MAPKAPK2: variants seen among roughly 807,000 people sequenced by gnomAD.
The protein encoded by MAPKAPK2 is MAP kinase-activated protein kinase 2.
MAPKAPK2 carries 9 observed loss-of-function variants against 48.8 expected under a neutral mutation model. The ratio of observed to expected loss-of-function variants is 0.18; its 90% CI spans 0.11 to 0.32. The LOEUF is 0.32. MAPKAPK2 is among the 10% of genes least tolerant of loss of function. MAPKAPK2 has a pLI of 1.00. For synonymous variants in MAPKAPK2, 202 were observed against 190.6 expected (o/e 1.06, Z -0.49); for missense variants, 331 against 498.3 (o/e 0.66, Z 3.20).
intron 1 of MAPKAPK2, among the ~76,000 whole-genome samples, chr1:206,719,351 T>C (rs1474802750): frequency 2.0e-5 from 3 of 152,156 alleles, no homozygotes; most frequent in Non-Finnish European, 4.4e-5. Context: ...CAGTGACGCG[T>C]GGTTGTTTTA....
intron 3 of MAPKAPK2, 100 bp downstream of exon 3, chr1:206,729,199 C>A: frequency 7.7e-7 from 1 of 1,304,548 alleles, no homozygotes; most frequent in Non-Finnish European, 1.1e-6. Context: ...GGTGCTGAGG[C>A]TGCTGCCCCC....
At chr1:206,686,036 G>A (rs1477127156) in intron 1 of MAPKAPK2, among the ~76,000 whole-genome samples, 1 of 152,294 alleles carries the variant, frequency 6.6e-6, no homozygotes, top group East Asian at 1.9e-4. Context: ...AGCCTCGCGA[G>A]GGCAGCCGGG....
In MAPKAPK2 at chr1:206,731,299, C is replaced by CGTGTGT. The variant is rs58152125; in HGVS notation, c.892+52_892+57dup. 26 of 1,561,884 alleles carry CGTGTGT rather than the reference C, an allele frequency of 1.7e-5. No homozygotes were observed. The highest frequency in any genetic ancestry group is 1.0e-4 in the Admixed American group (6 of 57,970). On this transcript the variant is annotated intron_variant, in intron 7 of 9. Coordinates refer to ENST00000367103, the MANE Select transcript of MAPKAPK2 (RefSeq NM_032960.4). This position sits in a 1 kb window ranked among gnomAD's most constrained non-coding sequence, Gnocchi z 5.9. ...GGCTTTCAGGACAAGGGGAAGAGCC[C>CGTGTGT]GTGTGTGTGTGTGTGTGTGTATGTG...
At chr1:206,687,000 T>A (rs1672305760) in intron 1 of MAPKAPK2, among the ~76,000 whole-genome samples, 2 of 152,174 alleles carry the variant, frequency 1.3e-5, no homozygotes, top group Non-Finnish European at 2.9e-5. Context: ...GGAGGAGTTG[T>A]TTGGATTGAG....
chr1:206,724,442 C>T (rs1216018508), intron 1 of MAPKAPK2, among the ~76,000 whole-genome samples: 3 of 152,174 alleles, frequency 2.0e-5, no homozygotes, highest in Non-Finnish European at 2.9e-5. Flanking sequence ...AGGACGTCAG[C>T]CAGCCTGCCT....
intron 1 of MAPKAPK2, among the ~76,000 whole-genome samples, chr1:206,699,003 A>G (rs1170689280): frequency 2.6e-5 from 4 of 152,202 alleles, no homozygotes; most frequent in Non-Finnish European, 5.9e-5. Context: ...TGACCTAGCA[A>G]TTTTAAGTTT....
At chr1:206,729,924 C>T (rs781825473) in intron 4 of MAPKAPK2, 48 bp from the exon 5 acceptor site, 1 of 1,612,628 alleles carries the variant, frequency 6.2e-7, no homozygotes. Flanking sequence ...TCTGATAGCC[C>T]CTCCCAGGTC....
At chr1:206,689,404 C>G (rs891317847) in intron 1 of MAPKAPK2, among the ~76,000 whole-genome samples, 12 of 152,172 alleles carry the variant, frequency 7.9e-5, no homozygotes, top group South Asian at 2.1e-4. Flanking sequence ...TCCAACACAC[C>G]TCATACTGTG....
At chr1:206,719,194 A>G (rs1346038426) in intron 1 of MAPKAPK2, among the ~76,000 whole-genome samples, 3 of 152,160 alleles carry the variant, frequency 2.0e-5, no homozygotes, top group Non-Finnish European at 2.9e-5. Flanking sequence ...TGTTGGAAAT[A>G]TTTTAAAGAT....
At chr1:206,722,784 G>T (rs1433275047) in intron 1 of MAPKAPK2, among the ~76,000 whole-genome samples, 2 of 152,208 alleles carry the variant, frequency 1.3e-5, no homozygotes, top group African/African-American at 2.4e-5. Flanking sequence ...AGGTTGCTGA[G>T]GCTCACCTGC....
rs146131528 is a variant in MAPKAPK2 at position 206,693,426 on chromosome 1, C to T, written c.279+7918C>T. 9.6e-3 allele frequency among the ~76,000 whole-genome samples: 1,458 copies of T among 152,220 alleles called. 16 individuals carry two copies. The highest frequency in any genetic ancestry group is 0.013 in the Non-Finnish European group (900 of 68,026). On this transcript the variant is annotated intron_variant, in intron 1 of 9. Coordinates refer to ENST00000367103, the MANE Select transcript of MAPKAPK2 (RefSeq NM_032960.4). ...ACTCACTCTTCTGAGTGCTGGGAGA[C>T]GTGCTATGGTTTTTATGTCTCCAGG... is the stretch of plus-strand genomic sequence containing the variant.
intron 1 of MAPKAPK2, among the ~76,000 whole-genome samples, chr1:206,705,938 C>T (rs1443842417): frequency 2.0e-5 from 3 of 152,084 alleles, no homozygotes; most frequent in East Asian, 1.9e-4. Flanking sequence ...AGGGAATTCC[C>T]GGAGCCTGTT....
chr1:206,728,908 T>G (rs1673798816), intron 2 of MAPKAPK2, 59 bp downstream of exon 2: 2 of 1,612,108 alleles, frequency 1.2e-6, no homozygotes, highest in East Asian at 2.2e-5. Flanking sequence ...CTCAGGCACC[T>G]TACCCTCTGA....
At chr1:206,687,514 C>T (rs782615460) in intron 1 of MAPKAPK2, among the ~76,000 whole-genome samples, 5 of 152,292 alleles carry the variant, frequency 3.3e-5, no homozygotes, top group Middle Eastern at 6.8e-3. Context: ...TTCCCACACA[C>T]GTCTTTGTGT....
chr1:206,703,933 G>A (rs530096551), intron 1 of MAPKAPK2, among the ~76,000 whole-genome samples: 2 of 152,354 alleles, frequency 1.3e-5, no homozygotes, highest in East Asian at 3.9e-4. Context: ...GGGAGCTTGA[G>A]AGTGCCCTGC....
intron 1 of MAPKAPK2, among the ~76,000 whole-genome samples, chr1:206,693,390 A>G (rs1553426548): frequency 1.3e-5 from 2 of 151,230 alleles, no homozygotes; most frequent in African/African-American, 2.5e-5. Flanking sequence ...TTGGTAGGTG[A>G]TTTGGGGCTA....
Position 206,731,524 on chromosome 1 carries a change from C to A in MAPKAPK2, c.893-116C>A, listed in dbSNP as rs1673911034. On this transcript the variant is annotated intron_variant, in intron 7 of 9. Coordinates refer to ENST00000367103, the MANE Select transcript of MAPKAPK2 (RefSeq NM_032960.4). The surrounding 1 kb of genome is among the most constrained non-coding windows in gnomAD (Gnocchi z 5.9). ...TGGTCCTTGGGGCCAGTTGCTCCGG[C>A]AGCCTGCCTCCATGCACCCCCTCTT... The A allele has an allele frequency of 5.4e-6, 6 of 1,107,964 alleles. No homozygotes were observed. Among genetic ancestry groups the A allele is most frequent in the Admixed American group, 3.5e-5 (2 of 56,924 alleles). 68.6% of individuals were successfully genotyped at this position (1,107,964 alleles called of 1,614,324 possible).
chr1:206,715,629 CTTTTTTTTTT>C (rs11349381), intron 1 of MAPKAPK2, among the ~76,000 whole-genome samples: 1 of 131,572 alleles, frequency 7.6e-6, no homozygotes, highest in African/African-American at 2.9e-5. Context: ...TTCTTTCTTT[CTTTTTTTTTT>C]TTTTTGAGAT....
Position 206,718,215 on chromosome 1 carries a change from G to C in MAPKAPK2, c.280-10495G>C, listed in dbSNP as rs181909071. Among the ~76,000 whole-genome samples, 3 of 152,312 alleles carry C rather than the reference G, an allele frequency of 2.0e-5. No individual in the cohort carries two copies. In the East Asian group the frequency reaches 5.8e-4, roughly 29 times the overall value. On this transcript the variant is annotated intron_variant, in intron 1 of 9. Coordinates refer to ENST00000367103, the MANE Select transcript of MAPKAPK2 (RefSeq NM_032960.4). ...TATACTTTAAAAGCTACTTAAGTAAGGTGGAAGCAGTTCTGTTTAAAAAAT... is the reference window on the plus strand; with the variant it reads ...TATACTTTAAAAGCTACTTAAGTAACGTGGAAGCAGTTCTGTTTAAAAAAT...
Sources: gnomAD v4.1 joint callset for allele counts (sites outside exome capture counted in the v4.1 genomes callset) on GRCh38, gnomAD v4.1.1 for gene constraint, Gnocchi (gnomAD v3.1) non-coding constraint, MANE v1.5 for transcripts, NCBI Gene and HGNC (gene_info 2026-07-23, HGNC 2026-07-21) for gene names.